PUS7: variants seen among roughly 807,000 people sequenced by gnomAD.
PUS7 encodes the protein pseudouridylate synthase 7 homolog.
In PUS7, 48 loss-of-function variants were observed where a neutral mutation model predicts 79.8. That is an observed-to-expected ratio of 0.60 (90% CI 0.48 to 0.76). The LOEUF (loss-of-function observed/expected upper bound fraction) is 0.76. PUS7 is among the 30% of genes least tolerant of loss of function. The pLI, the probability that PUS7 is intolerant of heterozygous loss-of-function variation, is 0.00. For missense variants in PUS7, 729 were observed against 797.6 expected (o/e 0.91, Z 1.04); for synonymous variants, 286 against 272.2 (o/e 1.05, Z -0.50).
chr7:105,496,218 T>TAGAGAGAGAG (rs1309951962), intron 5 of PUS7, among the ~76,000 whole-genome samples: 18 of 81,838 alleles, frequency 2.2e-4, no homozygotes, highest in East Asian at 3.8e-4. Context: ...TATATATATA[T>TAGAGAGAGAG]ATATATATAG....
At chr7:105,481,627 T>A (rs962347248) in intron 8 of PUS7, among the ~76,000 whole-genome samples, 2 of 152,154 alleles carry the variant, frequency 1.3e-5, no homozygotes, top group Admixed American at 6.5e-5. Context: ...AAACAGTAAC[T>A]TTCCATTACC....
At chr7:105,489,773 G>A (rs1172722709) in intron 7 of PUS7, among the ~76,000 whole-genome samples, 2 of 152,172 alleles carry the variant, frequency 1.3e-5, no homozygotes, top group East Asian at 3.8e-4. Flanking sequence ...GGATTATGGG[G>A]TAAAGAGGAG....
At chr7:105,513,902 TGGA>T (rs1201673643) in intron 1 of PUS7, among the ~76,000 whole-genome samples, 2 of 139,170 alleles carry the variant, frequency 1.4e-5, no homozygotes, top group Non-Finnish European at 3.1e-5. Flanking sequence ...TTGTTATGTC[TGGA>T]GGAGTTTAAA....
chr7:105,505,963 C>T lies in PUS7; in HGVS notation c.577G>A (p.Ala193Thr). Residue 193 changes from alanine (A) to threonine (T), a missense_variant, in exon 4 of 16, where the codon GCC (alanine) becomes ACC (threonine). Transcript: ENST00000469408. ...QLFKNKETSVAIEVIEDTKEK... is the reference protein window; with the variant it reads ...QLFKNKETSVTIEVIEDTKEK... ...ATTTTTGCATTAGTTACCTCAATGGCAACACTGGTTTCCTTATTTTTGAAC... is the reference window on the plus strand; with the variant it reads ...ATTTTTGCATTAGTTACCTCAATGGTAACACTGGTTTCCTTATTTTTGAAC... 1.2e-6 allele frequency: 2 copies of T among 1,609,080 alleles called. No homozygotes were observed. Among genetic ancestry groups the T allele is most frequent in the Non-Finnish European group, 1.7e-6 (2 of 1,178,130 alleles).
rs1267034389 is a variant in PUS7 at position 105,491,631 on chromosome 7, A to G, written c.843-14T>C. 6.8e-7 allele frequency: 1 copy of G among 1,468,900 alleles called. No homozygotes were observed. Among genetic ancestry groups the G allele is most frequent in the Admixed American group, 1.7e-5 (1 of 57,320 alleles). The allele number at this position is 1,468,900 out of a possible 1,614,324, so 91.0% of individuals were successfully genotyped here. On this transcript the variant is annotated splice_polypyrimidine_tract_variant and intron_variant, in intron 6 of 15. Transcript: ENST00000469408. The stretch of plus-strand genomic sequence containing the variant: ...TTTGGCTTGACTCTGGTAAGAGAGA[A>G]ACAAGATCATCTGAAGTCACATACT...
chr7:105,458,912 GTC>G (rs1179147886), intron 15 of PUS7, among the ~76,000 whole-genome samples: 3 of 152,098 alleles, frequency 2.0e-5, no homozygotes, highest in African/African-American at 7.2e-5. Context: ...CCTTTGGTAA[GTC>G]TCTGTGGGGG....
chr7:105,460,007 T>C (rs1013132223), intron 14 of PUS7, among the ~76,000 whole-genome samples: 14 of 152,274 alleles, frequency 9.2e-5, no homozygotes, highest in South Asian at 4.1e-4. Flanking sequence ...GGCGTGATCT[T>C]GGCTCACTGC....
At chr7:105,479,826 C>T (rs562242040) in intron 9 of PUS7, among the ~76,000 whole-genome samples, 93 of 151,978 alleles carry the variant, frequency 6.1e-4, no homozygotes, top group Middle Eastern at 3.4e-3. Context: ...GACAAAACCT[C>T]GGCTCTACTA....
intron 4 of PUS7, among the ~76,000 whole-genome samples, chr7:105,504,548 C>T (rs924352097): frequency 2.0e-5 from 3 of 152,156 alleles, no homozygotes; most frequent in South Asian, 2.1e-4. Context: ...CTCAGAAAGT[C>T]CATCTTCATT....
At chr7:105,481,000 C>A in intron 9 of PUS7, 52 bp downstream of exon 9, 6 of 1,565,760 alleles carry the variant, frequency 3.8e-6, no homozygotes, top group South Asian at 1.2e-5. Flanking sequence ...ACCAACAAAC[C>A]CTGCTTTGTT....
intron 11 of PUS7, among the ~76,000 whole-genome samples, chr7:105,469,450 C>G (rs1450880373): frequency 6.6e-6 from 1 of 151,958 alleles, no homozygotes; most frequent in Non-Finnish European, 1.5e-5. Context: ...ACCACCATGT[C>G]CAGATAATCG....
chr7:105,456,589 A>G lies in PUS7; in HGVS notation c.*1201T>C, dbSNP rs972029706. On this transcript the variant is annotated 3_prime_UTR_variant, in exon 16 of 16. Coordinates refer to ENST00000469408, the MANE Select transcript of PUS7 (RefSeq NM_019042.5). Reference sequence around the variant, plus strand: ...AAATATTTATTACATTTGTTTCTAGAAATCATAGAAAATAAAAATTGATAC... The same window carrying G: ...AAATATTTATTACATTTGTTTCTAGGAATCATAGAAAATAAAAATTGATAC... 6.6e-6 allele frequency: 1 copy of G among 152,180 alleles called. No individual in the cohort carries two copies. Among genetic ancestry groups the G allele is most frequent in the African/African-American group, 2.4e-5 (1 of 41,454 alleles). 9.4% of individuals were successfully genotyped at this position (152,180 alleles called of 1,614,324 possible).
chr7:105,468,297 C>T (rs1371202513), intron 12 of PUS7, 40 bp downstream of exon 12: 4 of 1,596,894 alleles, frequency 2.5e-6, no homozygotes, highest in Non-Finnish European at 2.6e-6. Flanking sequence ...ACTAACTGAA[C>T]CCTAGCTTAG....
rs192319081 is a variant in PUS7, at chr7:105,505,374, T to C, written c.585+581A>G. Among the ~76,000 whole-genome samples the C allele has an allele frequency of 6.1e-3, 926 of 152,304 alleles. 7 individuals carry two copies. Among genetic ancestry groups the C allele is most frequent in the Non-Finnish European group, 7.2e-3 (490 of 68,016 alleles). ...GCTCTCCTTTTCTTCAATAGCAGAA[T>C]TGACCCACGATGAGCAAATAAATGC... On this transcript the variant is annotated intron_variant, in intron 4 of 15. Transcript: ENST00000469408.
intron 11 of PUS7, chr7:105,470,385 C>T (rs954379001): frequency 2.2e-5 from 5 of 229,046 alleles, no homozygotes; most frequent in African/African-American, 6.8e-5. Context: ...CAAGAAATGA[C>T]TATACAATAG....
At position 105,470,735 on chromosome 7, in the gene PUS7, C is replaced by T. The variant is rs779300664; in HGVS notation, c.1351G>A (p.Gly451Arg). The change falls in exon 11 of 16, where the codon GGA becomes AGA. Residue 451 changes from glycine to arginine, a missense_variant. Gly to Arg is a moderately radical substitution (Grantham distance 125). Coordinates refer to ENST00000469408, the MANE Select transcript of PUS7 (RefSeq NM_019042.5). ...TTCTTCATTCCATATTTTGAAAGTC[C>T]TCGAAGCAGCTGCCCTTCCACACAC... ...KRCVEGQLLR[G>R]LSKYGMKNIV... 1 of 1,610,956 alleles carries T rather than the reference C, an allele frequency of 6.2e-7. No individual in the cohort carries two copies. The highest frequency in any genetic ancestry group is 8.5e-7 in the Non-Finnish European group (1 of 1,177,632).
chr7:105,498,833 G>A (rs1370535296), intron 5 of PUS7, among the ~76,000 whole-genome samples: 7 of 151,948 alleles, frequency 4.6e-5, no homozygotes, highest in Admixed American at 4.6e-4. Context: ...TGCCATGTTG[G>A]CCAGGCAGGT....
At chr7:105,475,157 T>A (rs1009808196) in intron 9 of PUS7, among the ~76,000 whole-genome samples, 7 of 152,190 alleles carry the variant, frequency 4.6e-5, no homozygotes, top group African/African-American at 1.7e-4. Flanking sequence ...CAATAGGCTG[T>A]ACTATCTAGC....
At chr7:105,519,919 G>A (rs991569204) in intron 1 of PUS7, among the ~76,000 whole-genome samples, 3 of 152,194 alleles carry the variant, frequency 2.0e-5, no homozygotes, top group African/African-American at 7.2e-5. Context: ...ACCTGAAACC[G>A]GAGCAAACTT....
Sources: gnomAD v4.1 joint callset for allele counts (sites outside exome capture counted in the v4.1 genomes callset) on GRCh38, gnomAD v4.1.1 for gene constraint, MANE v1.5 for transcripts, NCBI Gene and HGNC (gene_info 2026-07-23, HGNC 2026-07-21) for gene names.